The following USP7 variants were observed in gnomAD, a reference collection of about 807,000 sequenced individuals.
The protein encoded by USP7 is ubiquitin C-terminal hydrolase 7.
A neutral mutation model predicts 162.9 loss-of-function variants in USP7; 9 were observed. The ratio of observed to expected loss-of-function variants is 0.06; its 90% CI spans 0.03 to 0.10. The LOEUF is 0.10. Ranked by LOEUF, USP7 falls within the 10% of genes least tolerant of loss-of-function variation. The pLI, the probability that USP7 is intolerant of heterozygous loss-of-function variation, is 1.00. For missense variants in USP7, 715 were observed against 1,373.7 expected (o/e 0.52, Z 7.58); for synonymous variants, 562 against 475.9 (o/e 1.18, Z -2.35).
chr16:8,902,299 A>T, intron 17 of USP7, 82 bp downstream of exon 17: 1 of 1,579,900 alleles, frequency 6.3e-7, no homozygotes, highest in Non-Finnish European at 8.7e-7. Flanking sequence ...AGTGGACCAA[A>T]AGGGAAACAA....
intron 1 of USP7, among the ~76,000 whole-genome samples, chr16:8,944,989 C>T (rs947912234): frequency 5.9e-5 from 9 of 152,080 alleles, no homozygotes; most frequent in African/African-American, 2.2e-4. Context: ...CAGTGGCTCA[C>T]GCCTGTAATC....
chr16:8,941,704 G>C (rs575753672), intron 1 of USP7, among the ~76,000 whole-genome samples: 50 of 152,276 alleles, frequency 3.3e-4, no homozygotes, highest in Middle Eastern at 3.4e-3. Flanking sequence ...GTGAGGGGAC[G>C]GGCAGAGCCA....
Position 8,944,759 on chromosome 16 carries a change from G to A in USP7, c.80-14362C>T, listed in dbSNP as rs140642785. On this transcript the variant is annotated intron_variant, in intron 1 of 30. Transcript: ENST00000344836. ...CTACTCAGACTCTCATGGAACACCT[G>A]CAATTCAAGGGCTGTCAGATCTTTT... Among the ~76,000 whole-genome samples the A allele has an allele frequency of 1.4e-3, 213 of 152,316 alleles. 1 individual carries two copies. The highest frequency in any genetic ancestry group is 5.0e-3 in the African/African-American group (206 of 41,564).
chr16:8,922,688 A>G (rs1429445425), intron 3 of USP7, among the ~76,000 whole-genome samples: 1 of 152,244 alleles, frequency 6.6e-6, no homozygotes, highest in Non-Finnish European at 1.5e-5. Flanking sequence ...GGTTTTTGAT[A>G]AAGGGTGAAT....
At chr16:8,922,248 G>A (rs1282827690) in intron 3 of USP7, among the ~76,000 whole-genome samples, 1 of 152,236 alleles carries the variant, frequency 6.6e-6, no homozygotes, top group Admixed American at 6.5e-5. Context: ...CAGCACTTTG[G>A]CAGGCCGAGA....
intron 18 of USP7, 35 bp from the exon 19 acceptor site, chr16:8,901,269 A>C: frequency 6.8e-7 from 1 of 1,475,196 alleles, no homozygotes; most frequent in Non-Finnish European, 9.5e-7. Flanking sequence ...GTTAAGATCC[A>C]AACACTCAGC....
rs760277545 is a variant in USP7 at position 8,915,536 on chromosome 16, A to G, written c.907-11T>C. On this transcript the variant is annotated splice_polypyrimidine_tract_variant and intron_variant, in intron 8 of 30. Transcript: ENST00000344836. ...CACATTATCGAGCAACTGAAAAAGA[A>G]TGTTTTGGCTTTAAAAAAACTTTTT... is the stretch of plus-strand genomic sequence containing the variant. 1.2e-6 allele frequency: 2 copies of G among 1,611,788 alleles called. No individual in the cohort carries two copies. The highest frequency in any genetic ancestry group is 1.7e-6 in the Non-Finnish European group (2 of 1,179,544).
At position 8,893,827 on chromosome 16, in the gene USP7, C is replaced by A; in HGVS notation, c.*171G>T. Reference sequence around the variant, plus strand: ...ACATCTTCATTTTGCTCAAAAAGGGCAGTCAATAGATACAGAGAAGCCAAA... The same window carrying A: ...ACATCTTCATTTTGCTCAAAAAGGGAAGTCAATAGATACAGAGAAGCCAAA... On this transcript the variant is annotated 3_prime_UTR_variant, in exon 31 of 31. Coordinates refer to ENST00000344836, the MANE Select transcript of USP7 (RefSeq NM_003470.3). 3.3e-6 allele frequency: 2 copies of A among 603,408 alleles called. No homozygotes were observed. Among genetic ancestry groups the A allele is most frequent in the East Asian group, 2.8e-5 (1 of 35,630 alleles). 37.4% of individuals were successfully genotyped at this position (603,408 alleles called of 1,614,324 possible). A position where few individuals can be genotyped will look rare whatever the true frequency, so the allele number is the denominator to read the frequency against.
chr16:8,906,609 T>G (rs1280908019), intron 12 of USP7, 27 bp from the exon 13 acceptor site: 7 of 1,601,082 alleles, frequency 4.4e-6, no homozygotes, highest in Non-Finnish European at 6.0e-6. Context: ...TAAAAGAAAT[T>G]CAGTATTAAT....
chr16:8,911,888 G>C (rs541883254), intron 10 of USP7, among the ~76,000 whole-genome samples: 3 of 152,184 alleles, frequency 2.0e-5, no homozygotes, highest in African/African-American at 4.8e-5. Context: ...CAGAGCTCAC[G>C]ACAGGCTGGG....
intron 10 of USP7, among the ~76,000 whole-genome samples, chr16:8,914,757 C>CA (rs113813738): frequency 0.062 from 8,927 of 144,888 alleles, 348 homozygotes; most frequent in Non-Finnish European, 0.083. Flanking sequence ...ATCTCTTAAC[C>CA]AAAAAAAAAA....
At chr16:8,954,276 T>C (rs993082133) in intron 1 of USP7, among the ~76,000 whole-genome samples, 15 of 152,106 alleles carry the variant, frequency 9.9e-5, no homozygotes, top group African/African-American at 3.4e-4. Context: ...AGCAGAGGCT[T>C]TGAACAGGTG....
chr16:8,928,158 T>G (rs1220738626), intron 2 of USP7, among the ~76,000 whole-genome samples: 2 of 152,188 alleles, frequency 1.3e-5, no homozygotes, highest in African/African-American at 4.8e-5. Context: ...GTCTCCCATC[T>G]CTTTGTCTCA....
chr16:8,930,313 G>A lies in USP7; in HGVS notation c.164C>T (p.Ala55Val), dbSNP rs560277695. Residue 55 changes from alanine (A) to valine (V), a missense_variant, in exon 2 of 31, where the codon GCG (alanine) becomes GTG (valine). Ala to Val is a moderately conservative substitution (Grantham distance 64). Around this residue, in one of 11 missense-constraint regions of USP7, gnomAD observed 137 missense variants for 123.5 expected, o/e 1.11. Transcript: ENST00000344836. ...CTTACCATCCTCCATGTCCTCCTCC[G>A]CGGTGTTGTGTCCATCACTCAGGGC... ...NVALSDGHNT[A>V]EEDMEDDTSW... is the part of the protein sequence containing the mutation. 37 of 1,612,560 alleles carry A rather than the reference G, an allele frequency of 2.3e-5. 1 individual carries two copies. Among genetic ancestry groups the A allele is most frequent in the East Asian group, 1.1e-4 (5 of 44,828 alleles).
chr16:8,939,683 C>T (rs1025627718), intron 1 of USP7, among the ~76,000 whole-genome samples: 3 of 152,224 alleles, frequency 2.0e-5, no homozygotes, highest in African/African-American at 7.2e-5. Context: ...TTCATATGTA[C>T]ATATCATGTA....
intron 17 of USP7, 96 bp from the exon 18 acceptor site, chr16:8,902,283 T>A: frequency 6.4e-7 from 1 of 1,572,732 alleles, no homozygotes; most frequent in Admixed American, 1.7e-5. Context: ...CGTCCAATTC[T>A]AGTTAAGTGG....
chr16:8,930,071 A>G (rs1397748327), intron 2 of USP7, among the ~76,000 whole-genome samples: 1 of 152,204 alleles, frequency 6.6e-6, no homozygotes, highest in South Asian at 2.1e-4. Flanking sequence ...AACCTACATT[A>G]CACCTCCTTG....
At chr16:8,900,706 C>T (rs2447919) in intron 20 of USP7, 76 bp from the exon 21 acceptor site, 314,845 of 1,083,870 alleles carry the variant, frequency 0.29, 47,654 homozygotes, top group South Asian at 0.32. Flanking sequence ...CTTCCATGTA[C>T]TTAAGTATTT....
Position 8,963,644 on chromosome 16 carries a change from G to T in USP7, c.-359C>A, listed in dbSNP as rs1285389420. On this transcript the variant is annotated 5_prime_UTR_variant, in exon 1 of 31. Transcript: ENST00000344836. ...GGGGCTGCGGGGCCGCGGGCCGGCCGGGGGCGGAGGGCGGCCGGTCGGGGG... is the reference window on the plus strand; with the variant it reads ...GGGGCTGCGGGGCCGCGGGCCGGCCTGGGGCGGAGGGCGGCCGGTCGGGGG... 7.0e-6 allele frequency among the ~76,000 whole-genome samples: 1 copy of T among 143,616 alleles called. No individual in the cohort carries two copies. The highest frequency in any genetic ancestry group is 2.5e-5 in the African/African-American group (1 of 40,158). The allele number at this position is 143,616 out of a possible 152,430, so 94.2% of individuals were successfully genotyped here. A position where few individuals can be genotyped will look rare whatever the true frequency, so the allele number is the denominator to read the frequency against.
Sources: allele counts gnomAD v4.1 joint callset (sites outside exome capture counted in the v4.1 genomes callset), GRCh38; gene constraint gnomAD v4.1.1; regional missense constraint gnomAD v4.1.1; transcripts MANE v1.5; gene names NCBI Gene and HGNC (gene_info 2026-07-23, HGNC 2026-07-21).